The following MICAL3 variants were observed in gnomAD, a reference collection of about 807,000 sequenced individuals.
MICAL3 encodes [F-actin]-monooxygenase MICAL3.
A neutral mutation model predicts 207.4 loss-of-function variants in MICAL3; 62 were observed. The ratio of observed to expected loss-of-function variants is 0.30; its 90% CI spans 0.24 to 0.37. The LOEUF (loss-of-function observed/expected upper bound fraction) is 0.37, where lower values mean the gene tolerates loss of function less well. Among genes scored for constraint, MICAL3 ranks in the 10% least tolerant of loss-of-function variants. The probability of loss-of-function intolerance (pLI) is 1.00; values close to 1 mark genes in which losing one functional copy is unlikely to be tolerated. For missense variants in MICAL3, 2,368 were observed against 2,635.6 expected (o/e 0.90, Z 2.22); for synonymous variants, 1,077 against 1,069.3 (o/e 1.01, Z -0.14).
chr22:17,936,264 T>C (rs988579055), intron 1 of MICAL3, among the ~76,000 whole-genome samples: 7 of 152,198 alleles, frequency 4.6e-5, no homozygotes, highest in Non-Finnish European at 1.0e-4. Context: ...GATGAATTCA[T>C]GTCCTTTGCA....
intron 1 of MICAL3, among the ~76,000 whole-genome samples, chr22:17,932,368 A>T (rs1247440283): frequency 6.6e-6 from 1 of 152,222 alleles, no homozygotes; most frequent in Non-Finnish European, 1.5e-5. Flanking sequence ...TTTCATATCT[A>T]GCCAAACTAA....
chr22:17,842,971 A>AT, intron 19 of MICAL3, among the ~76,000 whole-genome samples: 1 of 152,082 alleles, frequency 6.6e-6, no homozygotes. Flanking sequence ...AATACAAAAA[A>AT]TTAACCAGGC....
chr22:17,949,312 C>T (rs984268465), intron 1 of MICAL3, among the ~76,000 whole-genome samples: 7 of 152,162 alleles, frequency 4.6e-5, no homozygotes, highest in Admixed American at 1.3e-4. Context: ...ACCCAGCTAC[C>T]ACTCATGGCC....
At chr22:17,894,277 A>G (rs1433613094) in intron 10 of MICAL3, among the ~76,000 whole-genome samples, 1 of 151,912 alleles carries the variant, frequency 6.6e-6, no homozygotes, top group Non-Finnish European at 1.5e-5. Flanking sequence ...CTGTAGTCCC[A>G]GCTACTTGGG....
rs1441245706 is a variant in MICAL3 at position 17,892,220 on chromosome 22, C to T, written c.1547-588G>A. ...GACAGTCCCCGAACAGAGCTTGGCA[C>T]CTTGTACTATGAATTCTCAACCCTG... On this transcript the variant is annotated intron_variant, in intron 11 of 31. Transcript: ENST00000441493. Among the ~76,000 whole-genome samples the T allele has an allele frequency of 2.6e-5, 4 of 152,314 alleles. No homozygotes were observed. In the South Asian group the frequency reaches 8.3e-4, roughly 32 times the overall value.
At chr22:17,845,621 C>T (rs1924552507) in intron 19 of MICAL3, among the ~76,000 whole-genome samples, 1 of 152,078 alleles carries the variant, frequency 6.6e-6, no homozygotes, top group Admixed American at 6.5e-5. Context: ...CTATCATTTG[C>T]AAATGAAGTA....
intron 29 of MICAL3, among the ~76,000 whole-genome samples, chr22:17,804,576 C>T (rs1295937143): frequency 1.3e-5 from 2 of 152,228 alleles, no homozygotes; most frequent in Non-Finnish European, 2.9e-5. Context: ...CACTCCTAGC[C>T]TGGTAGTTCC....
chr22:17,856,294 G>C (rs964764432), intron 19 of MICAL3, among the ~76,000 whole-genome samples: 1 of 152,220 alleles, frequency 6.6e-6, no homozygotes, highest in African/African-American at 2.4e-5. Context: ...GCAGAGAAGA[G>C]GGCTTTCTTG....
intron 11 of MICAL3, among the ~76,000 whole-genome samples, chr22:17,893,495 T>C (rs1318080122): frequency 1.3e-5 from 2 of 152,202 alleles, no homozygotes; most frequent in African/African-American, 4.8e-5. Flanking sequence ...GCCCCGCGTC[T>C]GTACCTGGTT....
intron 1 of MICAL3, among the ~76,000 whole-genome samples, chr22:17,975,399 C>T (rs891754240): frequency 6.6e-6 from 1 of 152,106 alleles, no homozygotes; most frequent in African/African-American, 2.4e-5. Flanking sequence ...ACTTGACTGA[C>T]TTCCTAACAA....
At chr22:17,961,292 A>G (rs1486782166) in intron 1 of MICAL3, among the ~76,000 whole-genome samples, 1 of 152,182 alleles carries the variant, frequency 6.6e-6, no homozygotes, top group African/African-American at 2.4e-5. Flanking sequence ...CTGAAGAGAT[A>G]ATGAAAAAGA....
chr22:17,978,980 A>G (rs1935781086), intron 1 of MICAL3, among the ~76,000 whole-genome samples: 1 of 151,178 alleles, frequency 6.6e-6, no homozygotes, highest in South Asian at 2.1e-4. Context: ...GTTCGAGACC[A>G]GCCTGGGAAA....
intron 17 of MICAL3, among the ~76,000 whole-genome samples, chr22:17,866,608 C>CAGAATAGAATAGAATAGAATAGAAT (rs1327654068): frequency 0.027 from 3,352 of 122,580 alleles, 84 homozygotes; most frequent in East Asian, 0.043. Flanking sequence ...CAGCATAGAA[C>CAGAATAGAATAGAATAGAATAGAAT]AGAACAGAAT....
intron 11 of MICAL3, 69 bp from the exon 12 acceptor site, chr22:17,891,701 G>T: frequency 1.3e-6 from 2 of 1,485,998 alleles, no homozygotes; most frequent in Admixed American, 1.8e-5. Context: ...AATCCTCTTT[G>T]TAGGACACAT....
chr22:18,018,904 C>T (rs1394058056), intron 1 of MICAL3, among the ~76,000 whole-genome samples: 1 of 151,906 alleles, frequency 6.6e-6, no homozygotes, highest in African/African-American at 2.4e-5. Context: ...TTAAAATGGC[C>T]CACCTGGCCA....
intron 19 of MICAL3, chr22:17,861,355 T>C (rs1926495957): frequency 1.0e-6 from 1 of 985,448 alleles, no homozygotes; most frequent in South Asian, 4.7e-5. Context: ...TTTTTTAACT[T>C]CAGATCATCT....
At chr22:17,866,122 T>C in intron 17 of MICAL3, 110 bp from the exon 18 acceptor site, 1 of 805,216 alleles carries the variant, frequency 1.2e-6, no homozygotes, top group Admixed American at 2.0e-5. Context: ...CACAAGGCCA[T>C]CAAGCCACCC....
At chr22:17,974,289 A>T (rs887460926) in intron 1 of MICAL3, among the ~76,000 whole-genome samples, 7 of 152,210 alleles carry the variant, frequency 4.6e-5, no homozygotes, top group Admixed American at 2.0e-4. Context: ...TGTGAGAAGT[A>T]AGTGATGGTA....
chr22:17,888,966 G>T, intron 13 of MICAL3, 68 bp downstream of exon 13: 1 of 1,137,286 alleles, frequency 8.8e-7, no homozygotes. Flanking sequence ...ACAGTCGGAA[G>T]GAAGGAAGAA....
Sources: gnomAD v4.1 joint callset for allele counts (sites outside exome capture counted in the v4.1 genomes callset) on GRCh38, gnomAD v4.1.1 for gene constraint, MANE v1.5 for transcripts, NCBI Gene and HGNC (gene_info 2026-07-23, HGNC 2026-07-21) for gene names.